The following OR56B4 variants were observed in gnomAD, a reference collection of about 807,000 sequenced individuals.
OR56B4 encodes the protein olfactory receptor 56B4.
For synonymous variants in OR56B4, 142 were observed against 149.5 expected, an observed-to-expected ratio of 0.95 and a Z score of 0.37; for missense variants, 447 against 384.6, an observed-to-expected ratio of 1.16 and a Z score of -1.36.
chr11:6,108,727 G>T lies in OR56B4; in HGVS notation c.949G>T (p.Val317Leu), dbSNP rs776140888. The T allele has an allele frequency of 6.2e-7, 1 of 1,613,688 alleles. No homozygotes were observed. Among genetic ancestry groups the T allele is most frequent in the South Asian group, 1.1e-5 (1 of 91,074 alleles). ...FQRLLGLGQD[V>L]SK is the part of the protein sequence containing the mutation. ...GAGACTGCTTGGACTGGGTCAGGACGTGTCCAAGTAACTCCAGCTTTAGGA... is the reference window on the plus strand; with the variant it reads ...GAGACTGCTTGGACTGGGTCAGGACTTGTCCAAGTAACTCCAGCTTTAGGA... Residue 317 changes from valine to leucine, a missense_variant, in exon 1 of 1, where the codon GTG becomes TTG. Physicochemically the swap from Val to Leu is conservative, Grantham distance 32. Coordinates refer to ENST00000316529, the MANE Select transcript of OR56B4 (RefSeq NM_001005181.2).
Position 6,108,737 on chromosome 11 carries a change from A to T in OR56B4, c.959A>T (p.Ter320LeuextTer4). 1.2e-6 allele frequency: 2 copies of T among 1,613,120 alleles called. No homozygotes were observed. Among genetic ancestry groups the T allele is most frequent in the Non-Finnish European group, 1.7e-6 (2 of 1,179,206 alleles). The change falls in exon 1 of 1, where the codon TAA becomes TTA. Residue 320 changes from the stop codon to leucine (L), a stop_lost. Coordinates refer to ENST00000316529, the MANE Select transcript of OR56B4 (RefSeq NM_001005181.2). Reference protein sequence around the residue: ...LLGLGQDVSK* With the variant: ...LLGLGQDVSKL ...GGACTGGGTCAGGACGTGTCCAAGT[A>T]ACTCCAGCTTTAGGAATCCAGTAAG...
Position 6,108,575 on chromosome 11 carries a change from C to T in OR56B4, c.797C>T (p.Thr266Ile), listed in dbSNP as rs757111130. ...ACAGGTATCATTGTGCTGTCTGTCA[C>T]ACACCTTGCAGAGAAAAAGATTCCC... ...FHTGIIVLSV[T>I]HLAEKKIPLI... The change falls in exon 1 of 1, where the codon ACA becomes ATA. Residue 266 changes from threonine to isoleucine, a missense_variant. Coordinates refer to ENST00000316529, the MANE Select transcript of OR56B4 (RefSeq NM_001005181.2). 16 of 1,614,040 alleles carry T rather than the reference C, an allele frequency of 9.9e-6. No homozygotes were observed. The highest frequency in any genetic ancestry group is 3.3e-5 in the Admixed American group (2 of 59,996).
Position 6,107,776 on chromosome 11 carries a change from T to C in OR56B4, c.-3T>C. The C allele has an allele frequency of 1.2e-6, 2 of 1,604,110 alleles. No homozygotes were observed. Among genetic ancestry groups the C allele is most frequent in the Middle Eastern group, 1.7e-4 (1 of 5,996 alleles). On this transcript the variant is annotated 5_prime_UTR_variant, in exon 1 of 1. Transcript: ENST00000316529. ...CAGACACTGAGACTGAGGCACCCAT[T>C]CCATGGATACCTCCACCAGTGTTAC...
Position 6,108,274 on chromosome 11 carries a change from C to A in OR56B4, c.496C>A (p.Pro166Thr). 1 of 1,614,114 alleles carries A rather than the reference C, an allele frequency of 6.2e-7. No individual in the cohort carries two copies. Among genetic ancestry groups the A allele is most frequent in the Non-Finnish European group, 8.5e-7 (1 of 1,179,976 alleles). Residue 166 changes from proline to threonine, a missense_variant, in exon 1 of 1, where the codon CCT becomes ACT. Transcript: ENST00000316529. Reference sequence around the variant, plus strand: ...GAATGGCCTGTTGACCATCCCAGTGCCTATACTGGCTGCCCAGAGACACTA... The same window carrying A: ...GAATGGCCTGTTGACCATCCCAGTGACTATACTGGCTGCCCAGAGACACTA... Reference protein sequence around the residue: ...LRNGLLTIPVPILAAQRHYCS... With the variant: ...LRNGLLTIPVTILAAQRHYCS...
Position 6,108,229 on chromosome 11 carries a change from A to G in OR56B4, c.451A>G (p.Thr151Ala), listed in dbSNP as rs769726190. 3.7e-6 allele frequency: 6 copies of G among 1,614,182 alleles called. No individual in the cohort carries two copies. The South Asian group carries it at 4.4e-5, about 12-fold the overall frequency. The change falls in exon 1 of 1, where the codon ACA (threonine) becomes GCA (alanine). Residue 151 changes from threonine (T) to alanine (A), a missense_variant. By Grantham distance (58) the Thr-to-Ala change is moderately conservative. Transcript: ENST00000316529. ...CACTAAAGCTTTTGTCTTCAAAGCC[A>G]CAGGGTTCATCATGCTCAGGAATGG... is the stretch of plus-strand genomic sequence containing the variant. ...IVTKAFVFKATGFIMLRNGLL... is the reference protein window; with the variant it reads ...IVTKAFVFKAAGFIMLRNGLL...
Position 6,108,309 on chromosome 11 carries a change from G to T in OR56B4, c.531G>T (p.Arg177Ser). 1 of 1,614,172 alleles carries T rather than the reference G, an allele frequency of 6.2e-7. No individual in the cohort carries two copies. Among genetic ancestry groups the T allele is most frequent in the Non-Finnish European group, 8.5e-7 (1 of 1,180,014 alleles). The stretch of plus-strand genomic sequence containing the variant: ...CTGCCCAGAGACACTACTGTTCCAG[G>T]AATGAAATCGAGCACTGCCTCTGCT... ...ILAAQRHYCS[R>S]NEIEHCLCSN... The change falls in exon 1 of 1, where the codon AGG (arginine) becomes AGT (serine). Residue 177 changes from arginine (R) to serine (S), a missense_variant. Arg to Ser is a moderately radical substitution (Grantham distance 110, BLOSUM62 -1). Coordinates refer to ENST00000316529, the MANE Select transcript of OR56B4 (RefSeq NM_001005181.2).
In OR56B4 at chr11:6,108,157, G is replaced by A. The variant is rs773418089; in HGVS notation, c.379G>A (p.Asp127Asn). 1.5e-5 allele frequency: 24 copies of A among 1,614,012 alleles called. No homozygotes were observed. Among genetic ancestry groups the A allele is most frequent in the Non-Finnish European group, 1.9e-5 (23 of 1,180,020 alleles). Residue 127 changes from aspartate (D) to asparagine (N), a missense_variant, in exon 1 of 1, where the codon GAC becomes AAC. By Grantham distance (23) the Asp-to-Asn change is conservative (BLOSUM62 1). Coordinates refer to ENST00000316529, the MANE Select transcript of OR56B4 (RefSeq NM_001005181.2). ...AGGCATCTTTCTCTGCATGGCAGTA[G>A]ACAGATACATAGCCATCTGTCGCCC... Reference protein sequence around the residue: ...ESGIFLCMAVDRYIAICRPLQ... With the variant: ...ESGIFLCMAVNRYIAICRPLQ...
Position 6,107,880 on chromosome 11 carries a change from C to A in OR56B4, c.102C>A (p.Ser34=), listed in dbSNP as rs142825875. 2 of 1,614,008 alleles carry A rather than the reference C, an allele frequency of 1.2e-6. No individual in the cohort carries two copies. The highest frequency in any genetic ancestry group is 1.7e-6 in the Non-Finnish European group (2 of 1,180,010). The change falls in exon 1 of 1, where the codon TCC becomes TCA. Residue 34 remains serine, a synonymous_variant. Coordinates refer to ENST00000316529, the MANE Select transcript of OR56B4 (RefSeq NM_001005181.2). The stretch of plus-strand genomic sequence containing the variant: ...TTCATGAGTGGCAGCACTGGCTCTC[C>A]CTGCCCCTGACTCTGCTCTACCTCT... ...PGIHEWQHWL[S]LPLTLLYLLA...
chr11:6,108,070 A>T lies in OR56B4; in HGVS notation c.292A>T (p.Ile98Phe). The T allele has an allele frequency of 6.2e-7, 1 of 1,614,164 alleles. No homozygotes were observed. The highest frequency in any genetic ancestry group is 8.5e-7 in the Non-Finnish European group (1 of 1,180,032). ...LAIFWFDAKA[I>F]SLPMCFAQIY... ...CATCTTCTGGTTTGATGCCAAGGCC[A>T]TTAGCCTCCCCATGTGTTTTGCTCA... Residue 98 changes from isoleucine (I) to phenylalanine (F), a missense_variant, in exon 1 of 1, where the codon ATT (isoleucine) becomes TTT (phenylalanine). By Grantham distance (21) the Ile-to-Phe change is conservative. Transcript: ENST00000316529.
rs775288802 is a variant in OR56B4, at chr11:6,108,022, A to G, written c.244A>G (p.Thr82Ala). ...LAVVDIGLAT[T>A]IMPKILAIFW... ...AGTGGTGGACATTGGCCTGGCCACC[A>G]CCATCATGCCCAAGATCCTGGCCAT... The change falls in exon 1 of 1, where the codon ACC becomes GCC. Residue 82 changes from threonine to alanine, a missense_variant. Thr to Ala is a moderately conservative substitution (Grantham distance 58). Transcript: ENST00000316529. 1 of 1,614,094 alleles carries G rather than the reference A, an allele frequency of 6.2e-7. No individual in the cohort carries two copies. Among genetic ancestry groups the G allele is most frequent in the East Asian group, 2.2e-5 (1 of 44,874 alleles).
rs1215941450 is a variant in OR56B4, at chr11:6,108,499, T to C, written c.721T>C (p.Ser241Pro). ...GAGGCTGAACTCAGCAGAAGCAATG[T>C]CCAAGGCTCTGAGCACTTGTAGCTC... ...VLRLNSAEAM[S>P]KALSTCSSHL... The change falls in exon 1 of 1, where the codon TCC becomes CCC. Residue 241 changes from serine to proline, a missense_variant. By Grantham distance (74) the Ser-to-Pro change is moderately conservative (BLOSUM62 -1). Transcript: ENST00000316529. The C allele has an allele frequency of 1.2e-6, 2 of 1,614,134 alleles. No homozygotes were observed. Among genetic ancestry groups the C allele is most frequent in the Admixed American group, 1.7e-5 (1 of 60,008 alleles).
At position 6,108,510 on chromosome 11, in the gene OR56B4, G is replaced by A. The variant is rs375342286; in HGVS notation, c.732G>A (p.Leu244=). 6.2e-7 allele frequency: 1 copy of A among 1,614,186 alleles called. No homozygotes were observed. The highest frequency in any genetic ancestry group is 1.3e-5 in the African/African-American group (1 of 75,062). ...CAGCAGAAGCAATGTCCAAGGCTCT[G>A]AGCACTTGTAGCTCCCACCTCATCC... ...LNSAEAMSKA[L]STCSSHLILI... is the part of the protein sequence containing the mutation. The change falls in exon 1 of 1, where the codon CTG becomes CTA. Residue 244 remains leucine, a synonymous_variant. Coordinates refer to ENST00000316529, the MANE Select transcript of OR56B4 (RefSeq NM_001005181.2).
Position 6,108,269 on chromosome 11 carries a change from C to T in OR56B4, c.491C>T (p.Pro164Leu), listed in dbSNP as rs1266529368. ...CTCAGGAATGGCCTGTTGACCATCC[C>T]AGTGCCTATACTGGCTGCCCAGAGA... ...IMLRNGLLTI[P>L]VPILAAQRHY... is the part of the protein sequence containing the mutation. The change falls in exon 1 of 1, where the codon CCA becomes CTA. Residue 164 changes from proline to leucine, a missense_variant. By Grantham distance (98) the Pro-to-Leu change is moderately conservative (BLOSUM62 -3). Coordinates refer to ENST00000316529, the MANE Select transcript of OR56B4 (RefSeq NM_001005181.2). 6.2e-7 allele frequency: 1 copy of T among 1,614,208 alleles called. No homozygotes were observed. The highest frequency in any genetic ancestry group is 2.2e-5 in the East Asian group (1 of 44,876).
At position 6,108,696 on chromosome 11, in the gene OR56B4, C is replaced by G; in HGVS notation, c.918C>G (p.Gly306=). The G allele has an allele frequency of 6.2e-7, 1 of 1,614,082 alleles. No homozygotes were observed. The highest frequency in any genetic ancestry group is 1.1e-5 in the South Asian group (1 of 91,070). ...TCAGGATGCACAAACTCAGACTGGG[C>G]TTTCAGAGACTGCTTGGACTGGGTC... The part of the protein sequence containing the change: ...CALRMHKLRL[G]FQRLLGLGQD... The change falls in exon 1 of 1, where the codon GGC becomes GGG. Residue 306 remains glycine (G), a synonymous_variant. Transcript: ENST00000316529.
At position 6,107,752 on chromosome 11, in the gene OR56B4, A is replaced by G. The variant is rs1849020802; in HGVS notation, c.-27A>G. On this transcript the variant is annotated 5_prime_UTR_variant, in exon 1 of 1. Coordinates refer to ENST00000316529, the MANE Select transcript of OR56B4 (RefSeq NM_001005181.2). Reference sequence around the variant, plus strand: ...AACAGAGATTTCTTCTATTTCAGACAGACACTGAGACTGAGGCACCCATTC... The same window carrying G: ...AACAGAGATTTCTTCTATTTCAGACGGACACTGAGACTGAGGCACCCATTC... The G allele has an allele frequency of 1.3e-6, 2 of 1,585,576 alleles. No homozygotes were observed. The highest frequency in any genetic ancestry group is 1.7e-5 in the Admixed American group (1 of 57,988).
Position 6,108,807 on chromosome 11 carries a change from T to C in OR56B4, c.*69T>C. On this transcript the variant is annotated 3_prime_UTR_variant, in exon 1 of 1. Transcript: ENST00000316529. Reference sequence around the variant, plus strand: ...GTTTTAGTTCTCAATAGATCAGGGTTATAATCTGCACTTACCACACTCCCT... The same window carrying C: ...GTTTTAGTTCTCAATAGATCAGGGTCATAATCTGCACTTACCACACTCCCT... 1.4e-6 allele frequency: 2 copies of C among 1,467,120 alleles called. No homozygotes were observed. Among genetic ancestry groups the C allele is most frequent in the Non-Finnish European group, 1.9e-6 (2 of 1,063,450 alleles). The allele number at this position is 1,467,120 out of a possible 1,614,324, so 90.9% of individuals were successfully genotyped here. A position where few individuals can be genotyped will look rare whatever the true frequency, so the allele number is the denominator to read the frequency against.
chr11:6,107,919 C>T lies in OR56B4; in HGVS notation c.141C>T (p.Ala47=). The part of the protein sequence containing the change: ...LTLLYLLALG[A]NLLIIITIQH... ...TGCTCTACCTCTTAGCTCTTGGTGC[C>T]AATCTCCTCATCATAATCACCATTC... is the stretch of plus-strand genomic sequence containing the variant. The change falls in exon 1 of 1, where the codon GCC becomes GCT. Residue 47 remains alanine, a synonymous_variant. Coordinates refer to ENST00000316529, the MANE Select transcript of OR56B4 (RefSeq NM_001005181.2). 6.2e-7 allele frequency: 1 copy of T among 1,614,118 alleles called. No individual in the cohort carries two copies. The highest frequency in any genetic ancestry group is 8.5e-7 in the Non-Finnish European group (1 of 1,179,996).
rs1590535079 is a variant in OR56B4, at chr11:6,108,188, A to C, written c.410A>C (p.Gln137Pro). The part of the protein sequence containing the change: ...DRYIAICRPL[Q>P]YPSIVTKAFV... Reference sequence around the variant, plus strand: ...TACATAGCCATCTGTCGCCCTCTTCAGTACCCCTCCATAGTCACTAAAGCT... The same window carrying C: ...TACATAGCCATCTGTCGCCCTCTTCCGTACCCCTCCATAGTCACTAAAGCT... Residue 137 changes from glutamine (Q) to proline (P), a missense_variant, in exon 1 of 1, where the codon CAG becomes CCG. Transcript: ENST00000316529. The C allele has an allele frequency of 1.2e-6, 2 of 1,614,158 alleles. No homozygotes were observed. Among genetic ancestry groups the C allele is most frequent in the South Asian group, 1.1e-5 (1 of 91,082 alleles).
At position 6,108,821 on chromosome 11, in the gene OR56B4, A is replaced by G. The variant is rs1849033102; in HGVS notation, c.*83A>G. 1.6e-6 allele frequency: 2 copies of G among 1,285,950 alleles called. No homozygotes were observed. Among genetic ancestry groups the G allele is most frequent in the Non-Finnish European group, 2.2e-6 (2 of 920,592 alleles). The allele number at this position is 1,285,950 out of a possible 1,614,324, so 79.7% of individuals were successfully genotyped here. A position where few individuals can be genotyped will look rare whatever the true frequency, so the allele number is the denominator to read the frequency against. ...TAGATCAGGGTTATAATCTGCACTT[A>G]CCACACTCCCTAGGAAAAAAATGGC... On this transcript the variant is annotated 3_prime_UTR_variant, in exon 1 of 1. Transcript: ENST00000316529.
Sources: gnomAD v4.1 joint callset for allele counts on GRCh38, gnomAD v4.1.1 for gene constraint, MANE v1.5 for transcripts, NCBI Gene and HGNC (gene_info 2026-07-23, HGNC 2026-07-21) for gene names.